The following EYS variants were observed in gnomAD, a reference collection of about 807,000 sequenced individuals.
EYS encodes the protein protein eyes shut homolog.
EYS carries 250 observed loss-of-function variants against 282.1 expected under a neutral mutation model. The ratio of observed to expected loss-of-function variants is 0.89; its 90% CI spans 0.80 to 0.98. EYS has a LOEUF of 0.98. Ranked by LOEUF, EYS falls within the 50% of genes least tolerant of loss-of-function variation. The probability of loss-of-function intolerance (pLI) is 0.00; values close to 1 mark genes in which losing one functional copy is unlikely to be tolerated. For synonymous variants in EYS, 1,355 were observed against 1,282.9 expected (o/e 1.06, Z -1.20); for missense variants, 4,016 against 3,709.0 (o/e 1.08, Z -2.15).
At chr6:64,372,085 T>A (rs1772391991) in intron 29 of EYS, among the ~76,000 whole-genome samples, 3 of 151,642 alleles carry the variant, frequency 2.0e-5, no homozygotes, top group Admixed American at 1.3e-4. Context: ...TTATGCAGAC[T>A]TGTTTGTGTG....
intron 22 of EYS, among the ~76,000 whole-genome samples, chr6:64,655,307 A>T (rs1768706010): frequency 6.6e-6 from 1 of 151,734 alleles, no homozygotes; most frequent in African/African-American, 2.4e-5. Flanking sequence ...TTATTTTGAT[A>T]AAATAAGTAG....
intron 12 of EYS, among the ~76,000 whole-genome samples, chr6:65,060,408 T>C (rs1773534308): frequency 6.6e-6 from 1 of 151,990 alleles, no homozygotes; most frequent in Non-Finnish European, 1.5e-5. Flanking sequence ...AAGCTTTAAA[T>C]TCATCCCCTA....
At chr6:64,906,936 A>G (rs1767846261) in intron 16 of EYS, among the ~76,000 whole-genome samples, 2 of 152,342 alleles carry the variant, frequency 1.3e-5, no homozygotes, top group African/African-American at 4.8e-5. Flanking sequence ...TAGGCTAGAC[A>G]CACACATGGT....
intron 24 of EYS, among the ~76,000 whole-genome samples, chr6:64,609,330 G>A (rs1249337461): frequency 6.6e-6 from 1 of 152,138 alleles, no homozygotes; most frequent in Non-Finnish European, 1.5e-5. Flanking sequence ...TTGGGATAGT[G>A]GGCAGGAAGG....
chr6:65,085,549 C>T (rs1774340732), intron 12 of EYS, among the ~76,000 whole-genome samples: 2 of 151,998 alleles, frequency 1.3e-5, no homozygotes, highest in African/African-American at 4.8e-5. Context: ...AATGCAATTC[C>T]CAGTTTCTGA....
chr6:65,353,506 C>CTTG lies in EYS; in HGVS notation c.1408_1410dup (p.Gln470dup), dbSNP rs1403543889. ...TATTCAAATTGAGCAGGACCTTTAT[C>CTTG]TTGGCAAATACCATGGAAGGTGACT... is the stretch of plus-strand genomic sequence containing the variant. On this transcript the variant is annotated inframe_insertion, in exon 9 of 43. Coordinates refer to ENST00000503581, the MANE Select transcript of EYS (RefSeq NM_001142800.2). 6.2e-7 allele frequency: 1 copy of CTTG among 1,613,130 alleles called. No homozygotes were observed. The highest frequency in any genetic ancestry group is 8.5e-7 in the Non-Finnish European group (1 of 1,179,508).
chr6:63,885,352 C>T (rs1773237464), intron 35 of EYS, among the ~76,000 whole-genome samples: 1 of 152,050 alleles, frequency 6.6e-6, no homozygotes, highest in African/African-American at 2.4e-5. Flanking sequence ...TTGGTGTTTG[C>T]TTCATTTTAG....
chr6:64,475,039 A>C (rs950544434), intron 26 of EYS, among the ~76,000 whole-genome samples: 2 of 152,208 alleles, frequency 1.3e-5, no homozygotes, highest in African/African-American at 2.4e-5. Context: ...ATAAATTTAC[A>C]AATATCTTTC....
At chr6:65,584,327 T>C (rs1160331279) in intron 2 of EYS, among the ~76,000 whole-genome samples, 4 of 152,074 alleles carry the variant, frequency 2.6e-5, no homozygotes, top group African/African-American at 9.7e-5. Flanking sequence ...TACTGGCATC[T>C]ACTAGGTAAA....
intron 2 of EYS, among the ~76,000 whole-genome samples, chr6:65,618,333 C>CAAAAAA (rs1554217898): frequency 6.6e-6 from 1 of 152,188 alleles, no homozygotes; most frequent in Non-Finnish European, 1.5e-5. Context: ...ATGTGTTTTT[C>CAAAAAA]GGCTGCATGA....
At chr6:63,854,984 A>G (rs1258523080) in intron 36 of EYS, among the ~76,000 whole-genome samples, 2 of 152,246 alleles carry the variant, frequency 1.3e-5, no homozygotes, top group African/African-American at 4.8e-5. Flanking sequence ...TTTTCTTCCA[A>G]TATCACAATG....
At chr6:64,894,436 G>C (rs1202591051) in intron 18 of EYS, among the ~76,000 whole-genome samples, 1 of 152,082 alleles carries the variant, frequency 6.6e-6, no homozygotes, top group Non-Finnish European at 1.5e-5. Flanking sequence ...CTGATGACGG[G>C]GTTTTAGAAA....
At chr6:64,675,368 T>C (rs1025679839) in intron 22 of EYS, among the ~76,000 whole-genome samples, 3 of 152,012 alleles carry the variant, frequency 2.0e-5, no homozygotes, top group Non-Finnish European at 4.4e-5. Context: ...CTAAAGATTC[T>C]GGTCATATGC....
Position 65,490,653 on chromosome 6 carries a change from C to A in EYS, c.803G>T (p.Gly268Val). 1 of 1,612,842 alleles carries A rather than the reference C, an allele frequency of 6.2e-7. No homozygotes were observed. Among genetic ancestry groups the A allele is most frequent in the South Asian group, 1.1e-5 (1 of 91,006 alleles). Residue 268 changes from glycine to valine, a missense_variant, in exon 5 of 43, where the codon GGA (glycine) becomes GTA (valine). Physicochemically the swap from Gly to Val is moderately radical, Grantham distance 109 (BLOSUM62 -3). Coordinates refer to ENST00000503581, the MANE Select transcript of EYS (RefSeq NM_001142800.2). ...ATTTGAAGTAATATTGCTGCAGTTTCCATGGAAACAGACATGTGGTTGACA... is the reference window on the plus strand; with the variant it reads ...ATTTGAAGTAATATTGCTGCAGTTTACATGGAAACAGACATGTGGTTGACA... ...GQCQPHVCFHGNCSNITSNSF... is the reference protein window; with the variant it reads ...GQCQPHVCFHVNCSNITSNSF...
chr6:64,474,341 T>TG (rs1239794376), intron 26 of EYS, among the ~76,000 whole-genome samples: 35 of 152,154 alleles, frequency 2.3e-4, no homozygotes, highest in African/African-American at 8.2e-4. Flanking sequence ...TGTGATACCA[T>TG]GGGGGGTTAT....
At chr6:63,901,384 T>G (rs1773655249) in intron 35 of EYS, among the ~76,000 whole-genome samples, 1 of 152,134 alleles carries the variant, frequency 6.6e-6, no homozygotes, top group Admixed American at 6.5e-5. Flanking sequence ...TCGAGATGTA[T>G]AGGATAATAT....
At chr6:63,894,755 T>C (rs188609871) in intron 35 of EYS, among the ~76,000 whole-genome samples, 177 of 151,994 alleles carry the variant, frequency 1.2e-3, no homozygotes, top group African/African-American at 4.0e-3. Flanking sequence ...CTGATTTTTT[T>C]TATTATTATT....
rs193277347 is a variant in EYS, at chr6:65,260,855, A to T, written c.2023+35008T>A. Among the ~76,000 whole-genome samples, 6 of 152,216 alleles carry T rather than the reference A, an allele frequency of 3.9e-5. No homozygotes were observed. The East Asian group carries it at 9.7e-4, about 24-fold the overall frequency. ...TTGTAGAGAATTATTTTCCTATAAGAACTTATTAGAAAGAGATCACTACCT... is the reference window on the plus strand; with the variant it reads ...TTGTAGAGAATTATTTTCCTATAAGTACTTATTAGAAAGAGATCACTACCT... On this transcript the variant is annotated intron_variant, in intron 12 of 42. Transcript: ENST00000503581.
chr6:64,253,751 G>GA (rs1767298623), intron 30 of EYS, among the ~76,000 whole-genome samples: 1 of 71,354 alleles, frequency 1.4e-5, no homozygotes. Flanking sequence ...ACTTAGTGCA[G>GA]GGGGGTTTAT....
Sources: gnomAD v4.1 joint callset for allele counts (sites outside exome capture counted in the v4.1 genomes callset) on GRCh38, gnomAD v4.1.1 for gene constraint, MANE v1.5 for transcripts, NCBI Gene and HGNC (gene_info 2026-07-23, HGNC 2026-07-21) for gene names.